The following PCSK7 variants were observed in gnomAD, a reference collection of about 807,000 sequenced individuals.
The protein encoded by PCSK7 is lymphoma proprotein convertase.
In PCSK7, 38 loss-of-function variants were observed where a neutral mutation model predicts 73.3. The ratio of observed to expected loss-of-function variants is 0.52; its 90% CI spans 0.40 to 0.68. The LOEUF is 0.68. Among genes scored for constraint, PCSK7 ranks in the 30% least tolerant of loss-of-function variants. The pLI, the probability that PCSK7 is intolerant of heterozygous loss-of-function variation, is 0.00. For missense variants in PCSK7, 692 were observed against 991.5 expected, an observed-to-expected ratio of 0.70 and a Z score of 4.06; for synonymous variants, 296 against 383.8, an observed-to-expected ratio of 0.77 and a Z score of 2.68.
intron 12 of PCSK7, chr11:117,211,393 G>A (rs12417682): frequency 0.05 from 7,558 of 152,352 alleles, 243 homozygotes; most frequent in Middle Eastern, 0.1. Flanking sequence ...GGGATTACAG[G>A]CACGAGCCAC....
In PCSK7 at chr11:117,218,831, A is replaced by C; in HGVS notation, c.1431+226T>G. On this transcript the variant is annotated intron_variant, in intron 11 of 16. Transcript: ENST00000320934. This position sits in a 1 kb window ranked among gnomAD's most constrained non-coding sequence, Gnocchi z 4.0. ...AGCATCCTGAGTCCCACACATACTC[A>C]GGTCCCATTTACTCTATTAGTAGTT... The C allele has an allele frequency of 3.5e-6, 2 of 577,144 alleles. No individual in the cohort carries two copies. Among genetic ancestry groups the C allele is most frequent in the South Asian group, 4.4e-5 (2 of 45,488 alleles). The allele number at this position is 577,144 out of a possible 1,614,324, so 35.8% of individuals were successfully genotyped here.
Position 117,219,039 on chromosome 11 carries a change from C to A in PCSK7, c.1431+18G>T. 1 of 1,578,682 alleles carries A rather than the reference C, an allele frequency of 6.3e-7. No homozygotes were observed. Among genetic ancestry groups the A allele is most frequent in the Non-Finnish European group, 8.6e-7 (1 of 1,156,400 alleles). Reference sequence around the variant, plus strand: ...GTCACTCCACACAGGGCACCCTGCCCTGCCAACACCTGTTCACCTTGGCTG... The same window carrying A: ...GTCACTCCACACAGGGCACCCTGCCATGCCAACACCTGTTCACCTTGGCTG... On this transcript the variant is annotated intron_variant, in intron 11 of 16. Coordinates refer to ENST00000320934, the MANE Select transcript of PCSK7 (RefSeq NM_004716.4).
Position 117,229,376 on chromosome 11 carries a change from C to G in PCSK7, c.468+1G>C. On this transcript the variant is annotated splice_donor_variant, in intron 3 of 16. Coordinates refer to ENST00000320934, the MANE Select transcript of PCSK7 (RefSeq NM_004716.4). LOFTEE classifies it high-confidence loss of function. ...ACTGCAAACTGCAGGACTGGACTCA[C>G]CAGGTGCCATTGCTGCGGGTACTTG... The G allele has an allele frequency of 1.9e-6, 3 of 1,602,392 alleles. No individual in the cohort carries two copies. Among genetic ancestry groups the G allele is most frequent in the Non-Finnish European group, 2.5e-6 (3 of 1,178,438 alleles).
chr11:117,209,759 G>T (rs1223996565), intron 12 of PCSK7: 2 of 153,206 alleles, frequency 1.3e-5, no homozygotes, highest in African/African-American at 4.8e-5. Context: ...TGGGAGGATC[G>T]CTTGAGCCTG....
chr11:117,228,412 T>C, intron 3 of PCSK7, 62 bp from the exon 4 acceptor site: 2 of 1,499,768 alleles, frequency 1.3e-6, no homozygotes, highest in South Asian at 2.3e-5. Flanking sequence ...GAGATGAAGT[T>C]ATAGCTAGCA....
Position 117,224,715 on chromosome 11 carries a change from G to A in PCSK7, c.901C>T (p.His301Tyr), listed in dbSNP as rs759848101. The change falls in exon 7 of 17, where the codon CAT becomes TAT. Residue 301 changes from histidine to tyrosine, a missense_variant. By Grantham distance (83) the His-to-Tyr change is moderately conservative. Around this residue, in one of 6 missense-constraint regions of PCSK7, gnomAD observed 574 missense variants for 689.8 expected, o/e 0.83. Coordinates refer to ENST00000320934, the MANE Select transcript of PCSK7 (RefSeq NM_004716.4). ...AGGCCAGTTACCTTTCCAAGCTGAT[G>A]GGGGCCATCCACTGTCTTCCCATCG... ...DDDGKTVDGP[H>Y]QLGKAALQHG... The A allele has an allele frequency of 6.2e-7, 1 of 1,613,362 alleles. No individual in the cohort carries two copies. The highest frequency in any genetic ancestry group is 1.1e-5 in the South Asian group (1 of 91,064).
At position 117,219,669 on chromosome 11, in the gene PCSK7, C is replaced by G; in HGVS notation, c.1245G>C (p.Met415Ile). The G allele has an allele frequency of 1.9e-6, 3 of 1,612,494 alleles. No individual in the cohort carries two copies. Among genetic ancestry groups the G allele is most frequent in the African/African-American group, 2.7e-5 (2 of 74,984 alleles). Residue 415 changes from methionine to isoleucine, a missense_variant, in exon 10 of 17, where the codon ATG becomes ATC. Transcript: ENST00000320934. The stretch of plus-strand genomic sequence containing the variant: ...GCCGCACCTGCAGCATTAAGGCTAT[C>G]ATGCCAGCTGCCAGAGGCGCTGCAG... ...TSAAAPLAAG[M>I]IALMLQVRPC...
At chr11:117,230,704 G>A (rs2032614988) in intron 1 of PCSK7, among the ~76,000 whole-genome samples, 1 of 152,016 alleles carries the variant, frequency 6.6e-6, no homozygotes, top group African/African-American at 2.4e-5. Context: ...GTTCCCCAGA[G>A]GCCTAGCAAA....
rs1384169613 is a variant in PCSK7, at chr11:117,208,950, C to G, written c.1638G>C (p.Leu546=). ...HPRRGSLELK[L]FCPSGMMSLI... Reference sequence around the variant, plus strand: ...GGGACATCATGCCACTGGGGCAGAACAGCTTCAGCTCCAAGCTGCCGCGCC... The same window carrying G: ...GGGACATCATGCCACTGGGGCAGAAGAGCTTCAGCTCCAAGCTGCCGCGCC... The change falls in exon 13 of 17, where the codon CTG becomes CTC. Residue 546 remains leucine, a synonymous_variant. Transcript: ENST00000320934. The G allele has an allele frequency of 6.2e-7, 1 of 1,612,770 alleles. No homozygotes were observed. Among genetic ancestry groups the G allele is most frequent in the Non-Finnish European group, 8.5e-7 (1 of 1,179,894 alleles).
intron 5 of PCSK7, 141 bp downstream of exon 5, chr11:117,227,016 T>C: frequency 1.6e-6 from 1 of 630,660 alleles, no homozygotes; most frequent in Non-Finnish European, 2.7e-6. Context: ...CAGACACCTA[T>C]TATAAACTCA....
In PCSK7 at chr11:117,210,037, T is replaced by C. The variant is rs2031650080; in HGVS notation, c.1535-984A>G. ...ATGGAATTGTTCTGGATCTTGGTTG[T>C]GGTGGTAGTTATGCAAGGCTACATG... On this transcript the variant is annotated intron_variant, in intron 12 of 16. Coordinates refer to ENST00000320934, the MANE Select transcript of PCSK7 (RefSeq NM_004716.4). 3 of 152,430 alleles carry C rather than the reference T, an allele frequency of 2.0e-5. No homozygotes were observed. The South Asian group carries it at 6.2e-4, about 32-fold the overall frequency. The allele number at this position is 152,430 out of a possible 1,614,324, so 9.4% of individuals were successfully genotyped here. A position where few individuals can be genotyped will look rare whatever the true frequency, so the allele number is the denominator to read the frequency against.
rs767232174 is a variant in PCSK7, at chr11:117,204,384, C to T, written c.*1613G>A. The T allele has an allele frequency of 5.3e-5, 85 of 1,614,124 alleles. No individual in the cohort carries two copies. The South Asian group carries it at 7.2e-4, about 14-fold the overall frequency. Reference sequence around the variant, plus strand: ...GAGCGGAGAGGGCTAGCCCTGAGCCCGGCCCTCCCCCAGCTCCTTGGCTGC... The same window carrying T: ...GAGCGGAGAGGGCTAGCCCTGAGCCTGGCCCTCCCCCAGCTCCTTGGCTGC... On this transcript the variant is annotated 3_prime_UTR_variant, in exon 17 of 17. Transcript: ENST00000320934.
chr11:117,230,689 A>C (rs904993927), intron 1 of PCSK7, among the ~76,000 whole-genome samples: 18 of 152,104 alleles, frequency 1.2e-4, no homozygotes, highest in African/African-American at 4.1e-4. Flanking sequence ...CCCTCTTTTC[A>C]TTTTGTTCCC....
At chr11:117,215,406 A>ATTTT (rs1555044281) in intron 12 of PCSK7, 1 of 54,594 alleles carries the variant, frequency 1.8e-5, no homozygotes, top group Non-Finnish European at 2.8e-5. Flanking sequence ...ATATATATAT[A>ATTTT]CTTTTTTTTT....
intron 9 of PCSK7, 55 bp from the exon 10 acceptor site, chr11:117,219,813 C>G (rs2032122827): frequency 7.2e-7 from 1 of 1,397,492 alleles, no homozygotes; most frequent in African/African-American, 1.5e-5. Context: ...AAGCTGGGGA[C>G]AGTGGTGTGC....
intron 12 of PCSK7, chr11:117,212,320 C>G (rs557428134): frequency 7.2e-5 from 11 of 152,116 alleles, no homozygotes; most frequent in Non-Finnish European, 1.5e-4. Flanking sequence ...AGATGAGAAT[C>G]TAACAAATCA....
chr11:117,219,079 C>T lies in PCSK7; in HGVS notation c.1409G>A (p.Trp470Ter). 1 of 1,609,890 alleles carries T rather than the reference C, an allele frequency of 6.2e-7. No individual in the cohort carries two copies. Among genetic ancestry groups the T allele is most frequent in the Non-Finnish European group, 8.5e-7 (1 of 1,179,702 alleles). The change falls in exon 11 of 17, where the codon TGG becomes TAG. Residue 470 changes from tryptophan (W) to a stop codon, truncating the protein, a stop_gained. Coordinates refer to ENST00000320934, the MANE Select transcript of PCSK7 (RefSeq NM_004716.4). LOFTEE classifies it high-confidence loss of function. ...CACCTTGGCTGCATTCACGAGCCTCCAGGCGTTGAGGAGGCCGAAACCGTG... is the reference window on the plus strand; with the variant it reads ...CACCTTGGCTGCATTCACGAGCCTCTAGGCGTTGAGGAGGCCGAAACCGTG... ...HQHGFGLLNA[W>*]RLVNAAKIWT...
At chr11:117,225,783 T>G in intron 6 of PCSK7, 148 bp downstream of exon 6, 2 of 637,538 alleles carry the variant, frequency 3.1e-6, no homozygotes, top group Non-Finnish European at 5.7e-6. Context: ...GCTGGGAATC[T>G]AGAGAAATGA....
In PCSK7 at chr11:117,219,128, C is replaced by A. The variant is rs1281657798; in HGVS notation, c.1360G>T (p.Ala454Ser). ...TGCTGGTGGCTATGGCTGAAGCCTGCCTCGTTGGTGACCCACTCTGCACGG... is the reference window on the plus strand; with the variant it reads ...TGCTGGTGGCTATGGCTGAAGCCTGACTCGTTGGTGACCCACTCTGCACGG... Reference protein sequence around the residue: ...DRRAEWVTNEAGFSHSHQHGF... With the variant: ...DRRAEWVTNESGFSHSHQHGF... The change falls in exon 11 of 17, where the codon GCA (alanine) becomes TCA (serine). Residue 454 changes from alanine to serine, a missense_variant. This residue lies in a region of PCSK7 where 574 missense variants were observed against 689.8 expected (regional missense o/e 0.83). Transcript: ENST00000320934. 2 of 1,611,280 alleles carry A rather than the reference C, an allele frequency of 1.2e-6. No homozygotes were observed. Among genetic ancestry groups the A allele is most frequent in the South Asian group, 2.2e-5 (2 of 91,014 alleles).
Sources: gnomAD v4.1 joint callset for allele counts (sites outside exome capture counted in the v4.1 genomes callset) on GRCh38, gnomAD v4.1.1 for gene constraint, gnomAD v4.1.1 regional missense constraint, Gnocchi (gnomAD v3.1) non-coding constraint, MANE v1.5 for transcripts, NCBI Gene and HGNC (gene_info 2026-07-23, HGNC 2026-07-21) for gene names.